The following SOX6 variants were observed in gnomAD, a reference collection of about 807,000 sequenced individuals.
The protein encoded by SOX6 is SRY-box transcription factor 6.
SOX6 carries 11 observed loss-of-function variants against 97.8 expected under a neutral mutation model. The observed-to-expected ratio is 0.11, with a 90% confidence interval of 0.07 to 0.19. The LOEUF (loss-of-function observed/expected upper bound fraction) is 0.19. SOX6 is among the 10% of genes least tolerant of loss of function. SOX6 has a pLI of 1.00. For synonymous variants in SOX6, 360 were observed against 371.4 expected (o/e 0.97, Z 0.35); for missense variants, 810 against 1,039.5 (o/e 0.78, Z 3.04).
chr11:16,220,207 T>C (rs1565028451), intron 4 of SOX6, among the ~76,000 whole-genome samples: 2 of 152,000 alleles, frequency 1.3e-5, no homozygotes, highest in Admixed American at 1.3e-4. Context: ...ATATTACATG[T>C]GAATAACCCA....
chr11:16,589,569 C>T (rs1321071766), intron 4 of SOX6, among the ~76,000 whole-genome samples: 1 of 152,036 alleles, frequency 6.6e-6, no homozygotes, highest in Non-Finnish European at 1.5e-5. Flanking sequence ...ACAAAGCTGA[C>T]ATTTCTACAA....
chr11:16,144,515 G>A (rs1224773159), intron 6 of SOX6, among the ~76,000 whole-genome samples: 1 of 152,156 alleles, frequency 6.6e-6, no homozygotes, highest in Non-Finnish European at 1.5e-5. Context: ...AGAACTGAAA[G>A]AGATAGAGAC....
chr11:16,089,438 A>G (rs139913755), intron 9 of SOX6, among the ~76,000 whole-genome samples: 1 of 152,266 alleles, frequency 6.6e-6, no homozygotes, highest in Non-Finnish European at 1.5e-5. Context: ...ATACATATTT[A>G]GTGCTTGTTT....
rs185662546 is a variant in SOX6, at chr11:16,613,393, G to T, written n.430-1133C>A. On this transcript the variant is annotated intron_variant and non_coding_transcript_variant, in intron 3 of 5. Transcript: ENST00000524520. This position sits in a 1 kb window ranked among gnomAD's most constrained non-coding sequence, Gnocchi z 4.6. ...TAAATTATGGGTGTCACTAAAACGA[G>T]ATTAGCAAATCTTCTACCGCTGGCG... is the stretch of plus-strand genomic sequence containing the variant. 3.3e-5 allele frequency among the ~76,000 whole-genome samples: 5 copies of T among 152,160 alleles called. No homozygotes were observed. The highest frequency in any genetic ancestry group is 1.2e-4 in the African/African-American group (5 of 41,512).
At chr11:16,619,249 A>G (rs1848510247) in intron 3 of SOX6, among the ~76,000 whole-genome samples, 1 of 151,812 alleles carries the variant, frequency 6.6e-6, no homozygotes, top group South Asian at 2.1e-4. Flanking sequence ...CAAAAAAAAA[A>G]AGAAAAGAAA....
chr11:16,613,345 T>A lies in SOX6; in HGVS notation n.430-1085A>T, dbSNP rs1381204951. ...AAGGGCACAAACACGGCGGGGGCTT[T>A]ATTTTTCAGGTCTCTCCACTCATAA... On this transcript the variant is annotated intron_variant and non_coding_transcript_variant, in intron 3 of 5. Transcript: ENST00000524520. The surrounding 1 kb of genome is among the most constrained non-coding windows in gnomAD (Gnocchi z 4.6). The A allele has an allele frequency of 6.6e-6, 1 of 152,286 alleles. No individual in the cohort carries two copies. The highest frequency in any genetic ancestry group is 1.5e-5 in the Non-Finnish European group (1 of 68,130). The allele number at this position is 152,286 out of a possible 1,614,324, so 9.4% of individuals were successfully genotyped here.
At chr11:16,487,482 A>G (rs966068699) in intron 4 of SOX6, among the ~76,000 whole-genome samples, 9 of 152,192 alleles carry the variant, frequency 5.9e-5, no homozygotes, top group Non-Finnish European at 8.8e-5. Flanking sequence ...GCAGTGCACT[A>G]TCATATCCAG....
intron 6 of SOX6, among the ~76,000 whole-genome samples, chr11:16,129,855 A>G (rs966630646): frequency 1.3e-5 from 2 of 152,132 alleles, no homozygotes; most frequent in Admixed American, 6.5e-5. Flanking sequence ...CATAATCAAT[A>G]ATAGTGAAAG....
chr11:16,572,065 C>A (rs1847945356), intron 4 of SOX6, among the ~76,000 whole-genome samples: 1 of 152,116 alleles, frequency 6.6e-6, no homozygotes, highest in South Asian at 2.1e-4. Flanking sequence ...ATAAATGTTT[C>A]TTCTTTGTTC....
chr11:16,540,868 A>C (rs889642410), intron 4 of SOX6, among the ~76,000 whole-genome samples: 1 of 152,226 alleles, frequency 6.6e-6, no homozygotes, highest in Admixed American at 6.5e-5. Context: ...GGTAGGAAGA[A>C]TCAATATCGT....
chr11:16,412,599 C>T (rs970127236), intron 1 of SOX6, among the ~76,000 whole-genome samples: 1 of 152,078 alleles, frequency 6.6e-6, no homozygotes, highest in African/African-American at 2.4e-5. Context: ...TACTATGAGA[C>T]CCCCATCTCT....
chr11:15,977,762 T>C (rs1266730969), intron 15 of SOX6, among the ~76,000 whole-genome samples: 3 of 152,096 alleles, frequency 2.0e-5, no homozygotes, highest in Admixed American at 6.6e-5. Context: ...GCCATCATAT[T>C]GCACATTGTT....
intron 4 of SOX6, among the ~76,000 whole-genome samples, chr11:16,557,033 A>G (rs1047550353): frequency 2.0e-5 from 3 of 151,790 alleles, no homozygotes; most frequent in African/African-American, 4.8e-5. Flanking sequence ...AAGACTTCTG[A>G]TGGTATTTTC....
intron 2 of SOX6, among the ~76,000 whole-genome samples, chr11:16,735,511 T>C (rs1009659988): frequency 1.3e-5 from 2 of 152,216 alleles, no homozygotes; most frequent in East Asian, 3.8e-4. Context: ...TTATTCACTC[T>C]GGTTTTCCTC....
chr11:16,116,053 T>C (rs1311004386), intron 6 of SOX6, among the ~76,000 whole-genome samples: 1 of 152,176 alleles, frequency 6.6e-6, no homozygotes, highest in Non-Finnish European at 1.5e-5. Flanking sequence ...AAACTTATTT[T>C]AAGTAAAATG....
chr11:16,059,814 T>C (rs568916649), intron 9 of SOX6, among the ~76,000 whole-genome samples: 2 of 152,062 alleles, frequency 1.3e-5, no homozygotes, highest in African/African-American at 4.8e-5. Flanking sequence ...CATCTTCCTT[T>C]GAAATTCAGC....
intron 9 of SOX6, among the ~76,000 whole-genome samples, chr11:16,068,895 C>G (rs551965630): frequency 1.3e-5 from 2 of 152,112 alleles, no homozygotes; most frequent in Non-Finnish European, 1.5e-5. Flanking sequence ...ATTCTGAGTT[C>G]GTTAGGGGAA....
At chr11:16,067,350 G>C (rs774787069) in intron 9 of SOX6, among the ~76,000 whole-genome samples, 3 of 152,152 alleles carry the variant, frequency 2.0e-5, no homozygotes, top group African/African-American at 7.2e-5. Flanking sequence ...AGAGGTAATT[G>C]AAACATGGGG....
intron 1 of SOX6, among the ~76,000 whole-genome samples, chr11:16,388,159 T>C (rs911446344): frequency 2.6e-5 from 4 of 152,174 alleles, no homozygotes; most frequent in Non-Finnish European, 1.5e-5. Flanking sequence ...ATGGGTGTGG[T>C]CAACTGTTTT....
Sources: allele counts gnomAD v4.1 joint callset (sites outside exome capture counted in the v4.1 genomes callset), GRCh38; gene constraint gnomAD v4.1.1; non-coding constraint Gnocchi (gnomAD v3.1); transcripts MANE v1.5; gene names NCBI Gene and HGNC (gene_info 2026-07-23, HGNC 2026-07-21).